Variants in ACTMAP observed in about 807,000 individuals in gnomAD.
ACTMAP encodes the protein actin maturation protease.
the ACTMAP span, chr19:40,741,239 C>T: frequency 1.7e-5 from 6 of 357,418 alleles, no homozygotes; most frequent in African/African-American, 2.1e-5. Flanking sequence ...GTCAGGAGTT[C>T]GAGACCAGCC....
the ACTMAP span, chr19:40,749,691 A>G: frequency 3.9e-6 from 6 of 1,533,836 alleles, no homozygotes; most frequent in Admixed American, 1.3e-4. Context: ...TAAAGCTGAA[A>G]AGTCCAGGGG....
At chr19:40,746,027 T>C in the ACTMAP span, among the ~76,000 whole-genome samples, 2 of 152,196 alleles carry the variant, frequency 1.3e-5, no homozygotes, top group Admixed American at 1.3e-4. Context: ...GGCTCCAAAC[T>C]CTGTGATTTG....
the ACTMAP span, among the ~76,000 whole-genome samples, chr19:40,748,023 T>C: frequency 6.6e-6 from 1 of 152,210 alleles, no homozygotes. Context: ...AATAAAAGTT[T>C]CTACCTCATG....
At chr19:40,743,040 G>A in the ACTMAP span, among the ~76,000 whole-genome samples, 3 of 152,114 alleles carry the variant, frequency 2.0e-5, no homozygotes, top group Non-Finnish European at 4.4e-5. Flanking sequence ...CCGTCACCCG[G>A]TCATCCTCAG....
At chr19:40,746,954 G>A in the ACTMAP span, among the ~76,000 whole-genome samples, 6 of 152,204 alleles carry the variant, frequency 3.9e-5, no homozygotes, top group South Asian at 1.2e-3. Context: ...TTACAGGTGT[G>A]TGCCACCATT....
chr19:40,744,271 G>A, the ACTMAP span: 4 of 1,466,566 alleles, frequency 2.7e-6, no homozygotes, highest in Non-Finnish European at 1.8e-6. Context: ...AGTGGGCGAT[G>A]CTTCCAACCC....
At chr19:40,741,217 G>A in the ACTMAP span, 1 of 379,026 alleles carries the variant, frequency 2.6e-6, no homozygotes, top group South Asian at 1.4e-4. Context: ...CGAGGCGGGT[G>A]GATTACTCAA....
the ACTMAP span, chr19:40,750,430 A>AC: frequency 2.6e-5 from 4 of 152,064 alleles, no homozygotes; most frequent in South Asian, 8.3e-4. Context: ...CGCCGCGATA[A>AC]CCACTGGAAA....
the ACTMAP span, chr19:40,740,945 AAG>A: frequency 2.5e-6 from 1 of 398,548 alleles, no homozygotes. Flanking sequence ...CAGTTTGGGA[AAG>A]AGGCAGGCTC....
At chr19:40,743,010 A>C in the ACTMAP span, among the ~76,000 whole-genome samples, 65 of 152,250 alleles carry the variant, frequency 4.3e-4, no homozygotes, top group Middle Eastern at 0.017. Flanking sequence ...GTGGGGAGGC[A>C]GCATGAGATG....
At chr19:40,749,688 G>A in the ACTMAP span, 5 of 1,534,356 alleles carry the variant, frequency 3.3e-6, no homozygotes, top group East Asian at 2.5e-5. Context: ...TGGTAAAGCT[G>A]AAAAGTCCAG....
chr19:40,744,039 C>T, the ACTMAP span: 1 of 1,613,970 alleles, frequency 6.2e-7, no homozygotes, highest in Non-Finnish European at 8.5e-7. Context: ...GCCACCCCTG[C>T]CCTCCTCTCT....
the ACTMAP span, chr19:40,744,778 C>T: frequency 1.4e-6 from 2 of 1,449,844 alleles, no homozygotes; most frequent in Non-Finnish European, 9.1e-7. Context: ...CTGGAGGAGT[C>T]CCCCTCCCCT....
the ACTMAP span, among the ~76,000 whole-genome samples, chr19:40,743,565 C>G: frequency 3.3e-5 from 5 of 152,124 alleles, no homozygotes; most frequent in African/African-American, 4.8e-5. Context: ...AGTGCTCTGC[C>G]TACAAGGCAG....
chr19:40,744,987 T>A, the ACTMAP span: 1 of 1,016,606 alleles, frequency 9.8e-7, no homozygotes, highest in Non-Finnish European at 1.5e-6. Context: ...CTCAGAAGCC[T>A]GAGTGGAAAG....
At chr19:40,742,413 G>A in the ACTMAP span, 2 of 1,451,540 alleles carry the variant, frequency 1.4e-6, no homozygotes, top group African/African-American at 2.9e-5. Context: ...CTAGGCTGCA[G>A]CCTGAGACCG....
chr19:40,746,969 G>A, the ACTMAP span, among the ~76,000 whole-genome samples: 21 of 152,010 alleles, frequency 1.4e-4, no homozygotes. Flanking sequence ...ACCATTTCCG[G>A]CTAATTTTTA....
the ACTMAP span, among the ~76,000 whole-genome samples, chr19:40,748,042 G>T: frequency 1.3e-5 from 2 of 152,204 alleles, no homozygotes; most frequent in African/African-American, 4.8e-5. Flanking sequence ...TGGGGTTGTT[G>T]AGAGGATTCA....
chr19:40,741,659 G>T, the ACTMAP span: 1 of 450,726 alleles, frequency 2.2e-6, no homozygotes, highest in Non-Finnish European at 4.5e-6. Context: ...GAGACAGCCT[G>T]GCTGAGATAC....
Sources: allele counts gnomAD v4.1 joint callset (sites outside exome capture counted in the v4.1 genomes callset), GRCh38; gene constraint gnomAD v4.1.1; transcripts MANE v1.5; gene names NCBI Gene and HGNC (gene_info 2026-07-23, HGNC 2026-07-21).